ESYT2: variants seen among roughly 807,000 people sequenced by gnomAD.
ESYT2 encodes extended synaptotagmin 2.
In ESYT2, 54 loss-of-function variants were observed where a neutral mutation model predicts 107.2. The observed-to-expected ratio is 0.50, with a 90% CI of 0.40 to 0.63. The LOEUF is 0.63. Ranked by LOEUF, ESYT2 falls within the 30% of genes least tolerant of loss-of-function variation. The pLI is 0.00. For synonymous variants in ESYT2, 491 were observed against 434.1 expected (o/e 1.13, Z -1.63); for missense variants, 1,020 against 1,094.5 (o/e 0.93, Z 0.96).
chr7:158,777,195 A>G (rs1226044067), intron 6 of ESYT2, among the ~76,000 whole-genome samples: 1 of 152,120 alleles, frequency 6.6e-6, no homozygotes, highest in African/African-American at 2.4e-5. Flanking sequence ...TCTGTCTTTC[A>G]CTTAAATACA....
At chr7:158,782,806 G>C (rs1372284379) in intron 6 of ESYT2, among the ~76,000 whole-genome samples, 5 of 152,228 alleles carry the variant, frequency 3.3e-5, no homozygotes, top group Non-Finnish European at 5.9e-5. Flanking sequence ...ATGAAACCGT[G>C]TGAGAACAAG....
chr7:158,802,790 C>A (rs1839683464), intron 1 of ESYT2, among the ~76,000 whole-genome samples: 1 of 152,182 alleles, frequency 6.6e-6, no homozygotes, highest in Non-Finnish European at 1.5e-5. Flanking sequence ...ACACCTGAGG[C>A]ATTGCTGATT....
intron 6 of ESYT2, among the ~76,000 whole-genome samples, chr7:158,782,686 ATG>A (rs1838952535): frequency 6.6e-6 from 1 of 152,156 alleles, no homozygotes; most frequent in Non-Finnish European, 1.5e-5. Flanking sequence ...AAATGTGAGA[ATG>A]GGTGTGAAAA....
chr7:158,779,717 G>A (rs1838705360), intron 6 of ESYT2, among the ~76,000 whole-genome samples: 1 of 152,202 alleles, frequency 6.6e-6, no homozygotes, highest in Non-Finnish European at 1.5e-5. Context: ...TCTCTGATGT[G>A]CCTCATCTTG....
At chr7:158,815,637 T>C (rs987582102) in intron 1 of ESYT2, among the ~76,000 whole-genome samples, 2 of 152,224 alleles carry the variant, frequency 1.3e-5, no homozygotes, top group Admixed American at 6.5e-5. Flanking sequence ...GTGTAACTTA[T>C]GGTGCTGCTT....
In ESYT2 at chr7:158,815,053, G is replaced by T. The variant is rs113011741; in HGVS notation, c.330+14036C>A. On this transcript the variant is annotated intron_variant, in intron 1 of 22. Transcript: ENST00000275418. ...TTTCCTTACCTGTAAAACAAAGGTG[G>T]CGGGTTAGCTGTGAGGTTTAAATGA... 4.7e-3 allele frequency among the ~76,000 whole-genome samples: 723 copies of T among 152,328 alleles called. 3 individuals carry two copies. Among genetic ancestry groups the T allele is most frequent in the African/African-American group, 0.017 (699 of 41,562 alleles).
At chr7:158,786,293 T>C (rs1839113754) in intron 6 of ESYT2, among the ~76,000 whole-genome samples, 1 of 152,348 alleles carries the variant, frequency 6.6e-6, no homozygotes, top group East Asian at 1.9e-4. Context: ...TTCTCTAAAT[T>C]GTTAAAAATG....
intron 20 of ESYT2, 48 bp from the exon 21 acceptor site, chr7:158,735,656 T>C (rs1836912231): frequency 6.6e-7 from 1 of 1,513,778 alleles, no homozygotes; most frequent in African/African-American, 1.4e-5. Context: ...TCTGCTGTAT[T>C]TTCTTATAAC....
intron 1 of ESYT2, among the ~76,000 whole-genome samples, chr7:158,824,970 G>A (rs2129474412): frequency 6.6e-6 from 1 of 152,202 alleles, no homozygotes; most frequent in South Asian, 2.1e-4. Context: ...TTCAAGCCTG[G>A]GGAACACAGC....
intron 6 of ESYT2, among the ~76,000 whole-genome samples, chr7:158,783,549 T>C (rs1451898307): frequency 6.6e-6 from 1 of 152,244 alleles, no homozygotes; most frequent in Non-Finnish European, 1.5e-5. Context: ...AGCTTCACTT[T>C]TGACCACACG....
In ESYT2 at chr7:158,748,214, G is replaced by C; in HGVS notation, c.1624C>G (p.Arg542Gly). ...NFTFFIHNPKRQDLEVEVRDE... is the reference protein window; with the variant it reads ...NFTFFIHNPKGQDLEVEVRDE... ...AATACCTCAACTTCAAGGTCCTGGC[G>C]CTTGGGATTGTGAATGAAGAAAGTG... Residue 542 changes from arginine (R) to glycine (G), a missense_variant, in exon 16 of 23, where the codon CGC becomes GGC. Coordinates refer to ENST00000275418, the MANE Select transcript of ESYT2 (RefSeq NM_001367773.1). 1 of 1,614,104 alleles carries C rather than the reference G, an allele frequency of 6.2e-7. No homozygotes were observed. Among genetic ancestry groups the C allele is most frequent in the Non-Finnish European group, 8.5e-7 (1 of 1,180,014 alleles).
At chr7:158,797,906 C>T (rs766221575) in intron 3 of ESYT2, 36 bp downstream of exon 3, 10 of 1,585,402 alleles carry the variant, frequency 6.3e-6, no homozygotes, top group Non-Finnish European at 8.5e-6. Flanking sequence ...AGCAATCTGA[C>T]TGTGTGCACG....
chr7:158,812,708 G>T (rs999613675), intron 1 of ESYT2, among the ~76,000 whole-genome samples: 2 of 152,200 alleles, frequency 1.3e-5, no homozygotes, highest in Admixed American at 6.5e-5. Flanking sequence ...GGCCATTGTG[G>T]ATGAATGGAT....
intron 20 of ESYT2, among the ~76,000 whole-genome samples, chr7:158,736,393 G>GT (rs1836951377): frequency 1.3e-5 from 2 of 152,318 alleles, no homozygotes; most frequent in African/African-American, 4.8e-5. Flanking sequence ...ACAAGGGTGG[G>GT]TTTTGAAGCA....
intron 4 of ESYT2, among the ~76,000 whole-genome samples, chr7:158,792,712 C>T (rs570702815): frequency 6.6e-6 from 1 of 150,858 alleles, no homozygotes; most frequent in Admixed American, 6.6e-5. Context: ...TTGCAGTGTT[C>T]CTGATTTTAA....
intron 6 of ESYT2, among the ~76,000 whole-genome samples, chr7:158,786,240 T>C (rs998453048): frequency 1.3e-5 from 2 of 152,210 alleles, no homozygotes; most frequent in Admixed American, 6.5e-5. Flanking sequence ...ATTTAAAGAT[T>C]TGGATTTCGT....
intron 13 of ESYT2, among the ~76,000 whole-genome samples, chr7:158,755,381 T>G (rs1253024542): frequency 6.6e-6 from 1 of 152,190 alleles, no homozygotes; most frequent in East Asian, 1.9e-4. Context: ...GGAAGTACAG[T>G]GTGCAACTTG....
At chr7:158,774,724 C>G (rs1838488447) in intron 6 of ESYT2, among the ~76,000 whole-genome samples, 1 of 152,182 alleles carries the variant, frequency 6.6e-6, no homozygotes, top group Non-Finnish European at 1.5e-5. Flanking sequence ...CTTCTGATCA[C>G]AAATCTACAT....
intron 1 of ESYT2, among the ~76,000 whole-genome samples, chr7:158,799,365 T>A (rs186453567): frequency 6.6e-6 from 1 of 152,310 alleles, no homozygotes; most frequent in East Asian, 1.9e-4. Flanking sequence ...ATCTGAAACA[T>A]CATAAATTAT....
Sources: allele counts gnomAD v4.1 joint callset (sites outside exome capture counted in the v4.1 genomes callset), GRCh38; gene constraint gnomAD v4.1.1; transcripts MANE v1.5; gene names NCBI Gene and HGNC (gene_info 2026-07-23, HGNC 2026-07-21).